Variants in SLC25A26 observed in about 807,000 individuals in gnomAD.
SLC25A26 encodes mitochondrial S-adenosylmethionine carrier protein.
Under a neutral mutation model 37.8 loss-of-function variants are expected in SLC25A26, and 36 were observed. That is an observed-to-expected ratio of 0.95 (90% CI 0.73 to 1.26). The LOEUF (loss-of-function observed/expected upper bound fraction) is 1.26, where lower values mean the gene tolerates loss of function less well. Ranked by LOEUF, SLC25A26 falls within the 50% of genes most tolerant of loss-of-function variation. The pLI is 0.00. For missense variants in SLC25A26, 390 were observed against 331.1 expected (o/e 1.18, Z -1.38); for synonymous variants, 129 against 122.5 (o/e 1.05, Z -0.35).
At chr3:66,135,391 A>G (rs1363174728) in intron 1 of SLC25A26, among the ~76,000 whole-genome samples, 1 of 152,192 alleles carries the variant, frequency 6.6e-6, no homozygotes, top group African/African-American at 2.4e-5. Context: ...CTTAAAGTTC[A>G]TGTATTCCAT....
chr3:66,308,312 T>C (rs557568357), intron 5 of SLC25A26, among the ~76,000 whole-genome samples: 48 of 152,320 alleles, frequency 3.2e-4, no homozygotes, highest in African/African-American at 1.1e-3. Flanking sequence ...TGTCTGTTAA[T>C]GGTATGTAGG....
chr3:66,187,325 G>A (rs1480812242), intron 1 of SLC25A26, among the ~76,000 whole-genome samples: 8 of 151,820 alleles, frequency 5.3e-5, no homozygotes, highest in East Asian at 2.0e-4. Flanking sequence ...GGATCAAATC[G>A]TATACTCACC....
intron 3 of SLC25A26, among the ~76,000 whole-genome samples, chr3:66,257,577 G>T (rs1040310557): frequency 6.6e-6 from 1 of 152,150 alleles, no homozygotes; most frequent in Non-Finnish European, 1.5e-5. Flanking sequence ...AGAGTCATGG[G>T]CTCGGGCCTC....
chr3:66,156,425 A>T (rs1048876655), intron 1 of SLC25A26, among the ~76,000 whole-genome samples: 38 of 151,122 alleles, frequency 2.5e-4, no homozygotes, highest in Admixed American at 1.1e-3. Flanking sequence ...CAAAGCGGAG[A>T]AATTAGCAAC....
chr3:66,275,574 C>T (rs2074113482), intron 5 of SLC25A26, among the ~76,000 whole-genome samples: 1 of 152,002 alleles, frequency 6.6e-6, no homozygotes, highest in Non-Finnish European at 1.5e-5. Flanking sequence ...ATACTTGCTT[C>T]TCAAAAGCAG....
chr3:66,143,183 A>G (rs748574287), intron 1 of SLC25A26, among the ~76,000 whole-genome samples: 4 of 152,128 alleles, frequency 2.6e-5, no homozygotes, highest in Non-Finnish European at 4.4e-5. Flanking sequence ...AAAAATTGCC[A>G]TTATCCATTA....
chr3:66,220,811 G>GA (rs2071449544), upstream of SLC25A26: 1 of 514,834 alleles, frequency 1.9e-6, no homozygotes, highest in East Asian at 3.7e-5. Flanking sequence ...TTTTGCTCGC[G>GA]AAAGTTCCTC....
At chr3:66,163,546 A>G (rs1222194968) in intron 1 of SLC25A26, among the ~76,000 whole-genome samples, 1 of 152,172 alleles carries the variant, frequency 6.6e-6, no homozygotes, top group East Asian at 1.9e-4. Flanking sequence ...TATTTTGTCT[A>G]AGACAGATCA....
At chr3:66,221,756 C>T (rs1163342379) in intron 1 of SLC25A26, among the ~76,000 whole-genome samples, 1 of 150,680 alleles carries the variant, frequency 6.6e-6, no homozygotes, top group Non-Finnish European at 1.5e-5. Context: ...AAAAAAAGTC[C>T]TTTACCAAAT....
At chr3:66,366,070 A>G (rs571632699) in intron 7 of SLC25A26, among the ~76,000 whole-genome samples, 1 of 152,334 alleles carries the variant, frequency 6.6e-6, no homozygotes, top group East Asian at 1.9e-4. Context: ...AATAGGAGAT[A>G]ATAGTTTTAT....
intron 5 of SLC25A26, among the ~76,000 whole-genome samples, chr3:66,284,570 G>A (rs955644095): frequency 6.6e-6 from 1 of 151,926 alleles, no homozygotes; most frequent in African/African-American, 2.4e-5. Context: ...TGAGATAAAT[G>A]TTTCTCAATA....
chr3:66,163,078 A>G (rs1277921985), intron 1 of SLC25A26, among the ~76,000 whole-genome samples: 1 of 152,192 alleles, frequency 6.6e-6, no homozygotes, highest in Non-Finnish European at 1.5e-5. Context: ...CCTGCAGTGC[A>G]TATTTCTTTG....
intron 6 of SLC25A26, among the ~76,000 whole-genome samples, chr3:66,348,910 C>G (rs575527853): frequency 1.5e-4 from 23 of 152,270 alleles, no homozygotes; most frequent in Non-Finnish European, 2.9e-4. Flanking sequence ...AGTATAACAG[C>G]TCTCCTTTTT....
chr3:66,139,863 T>C (rs1248493041), intron 1 of SLC25A26, among the ~76,000 whole-genome samples: 1 of 152,178 alleles, frequency 6.6e-6, no homozygotes, highest in Admixed American at 6.6e-5. Flanking sequence ...AATTATTGAA[T>C]GATGAGAGCA....
At chr3:66,151,328 G>A (rs776528936) in intron 1 of SLC25A26, among the ~76,000 whole-genome samples, 7 of 152,106 alleles carry the variant, frequency 4.6e-5, no homozygotes, top group South Asian at 2.1e-4. Context: ...GCTAGGTTAC[G>A]AGGGAAGCAG....
At chr3:66,137,569 GA>G (rs1170065753) in intron 1 of SLC25A26, among the ~76,000 whole-genome samples, 9 of 151,802 alleles carry the variant, frequency 5.9e-5, no homozygotes, top group African/African-American at 2.2e-4. Flanking sequence ...AGAACTGTGA[GA>G]AAAAAAATTC....
At chr3:66,350,615 T>C (rs1482574435) in intron 6 of SLC25A26, among the ~76,000 whole-genome samples, 1 of 152,186 alleles carries the variant, frequency 6.6e-6, no homozygotes, top group Admixed American at 6.5e-5. Flanking sequence ...TCTAAAACTC[T>C]AAAACATTAA....
upstream of SLC25A26, among the ~76,000 whole-genome samples, chr3:66,218,023 G>A (rs972698792): frequency 1.4e-3 from 217 of 152,032 alleles, 1 homozygote; most frequent in African/African-American, 4.8e-3. Flanking sequence ...TACCTCCACC[G>A]CCTGGAAAGC....
chr3:66,313,912 C>T (rs2075455929), intron 5 of SLC25A26, among the ~76,000 whole-genome samples: 2 of 152,096 alleles, frequency 1.3e-5, no homozygotes, highest in African/African-American at 4.8e-5. Context: ...CATGATTTGG[C>T]TCTCTGCTTG....
Sources: gnomAD v4.1 joint callset for allele counts (sites outside exome capture counted in the v4.1 genomes callset) on GRCh38, gnomAD v4.1.1 for gene constraint, MANE v1.5 for transcripts, NCBI Gene and HGNC (gene_info 2026-07-23, HGNC 2026-07-21) for gene names.